UBE2D2: variants seen among roughly 807,000 people sequenced by gnomAD.
UBE2D2 encodes the protein ubiquitin conjugating enzyme E2 D2.
A neutral mutation model predicts 24.2 loss-of-function variants in UBE2D2; 2 were observed. That is an observed-to-expected ratio of 0.08 (90% CI 0.03 to 0.26). The LOEUF is 0.26. Among genes scored for constraint, UBE2D2 ranks in the 10% least tolerant of loss-of-function variants. The probability of loss-of-function intolerance (pLI) is 1.00; values close to 1 mark genes in which losing one functional copy is unlikely to be tolerated. For missense variants in UBE2D2, 44 were observed against 177.6 expected (o/e 0.25, Z 4.28); for synonymous variants, 58 against 56.5 (o/e 1.03, Z -0.12).
At chr5:139,612,134 C>T in intron 2 of UBE2D2, 1 of 183,338 alleles carries the variant, frequency 5.5e-6, no homozygotes, top group Admixed American at 5.2e-5. Context: ...TTGCCTCCTG[C>T]AAAGTAACAA....
At chr5:139,606,044 T>G (rs1173757319) in intron 2 of UBE2D2, among the ~76,000 whole-genome samples, 1 of 152,132 alleles carries the variant, frequency 6.6e-6, no homozygotes, top group South Asian at 2.1e-4. Flanking sequence ...CACCCAGCTT[T>G]CTTTTCTTTT....
At chr5:139,567,635 G>A (rs1217556118) in intron 1 of UBE2D2, among the ~76,000 whole-genome samples, 2 of 147,572 alleles carry the variant, frequency 1.4e-5, no homozygotes, top group Admixed American at 7.0e-5. Flanking sequence ...CTGGGTTCAC[G>A]CCATTCTCCT....
chr5:139,613,916 G>A lies in UBE2D2; in HGVS notation c.89-670G>A, dbSNP rs150298814. Among the ~76,000 whole-genome samples, 343 of 152,256 alleles carry A rather than the reference G, an allele frequency of 2.3e-3. 2 individuals are homozygous for A. The highest frequency in any genetic ancestry group is 7.7e-3 in the African/African-American group (320 of 41,560). ...GTCTCTACTAAAAATACAAAAATTAGCCAGGTGTGGTGGCACTTGCCTGTA... is the reference window on the plus strand; with the variant it reads ...GTCTCTACTAAAAATACAAAAATTAACCAGGTGTGGTGGCACTTGCCTGTA... On this transcript the variant is annotated intron_variant, in intron 2 of 6. Transcript: ENST00000398733.
chr5:139,583,010 T>C (rs1247807404), intron 1 of UBE2D2, among the ~76,000 whole-genome samples: 1 of 151,536 alleles, frequency 6.6e-6, no homozygotes, highest in Non-Finnish European at 1.5e-5. Context: ...CGTCTCGCTT[T>C]GTCGCCCGGG....
intron 1 of UBE2D2, chr5:139,562,216 C>T (rs1178510862): frequency 4.3e-6 from 6 of 1,379,332 alleles, no homozygotes; most frequent in Non-Finnish European, 5.8e-6. Flanking sequence ...CGCCCCATTT[C>T]TGTTCCCTCC....
upstream of UBE2D2, among the ~76,000 whole-genome samples, chr5:139,559,052 C>T (rs2126643651): frequency 6.6e-6 from 1 of 152,178 alleles, no homozygotes; most frequent in African/African-American, 2.4e-5. Context: ...CTTCCCGCCT[C>T]AGCTTCCCAA....
intron 1 of UBE2D2, among the ~76,000 whole-genome samples, chr5:139,541,070 G>A (rs1206800874): frequency 6.6e-6 from 1 of 152,060 alleles, no homozygotes; most frequent in Non-Finnish European, 1.5e-5. Context: ...GGCTAAGGCG[G>A]GTGGATTGTT....
intron 1 of UBE2D2, among the ~76,000 whole-genome samples, chr5:139,537,683 G>A (rs1752702983): frequency 6.6e-6 from 1 of 151,664 alleles, no homozygotes; most frequent in Admixed American, 6.6e-5. Flanking sequence ...GAAATTTTCT[G>A]GCCAGGCGTG....
At chr5:139,549,448 T>A (rs1197154439) in intron 1 of UBE2D2, among the ~76,000 whole-genome samples, 1 of 152,188 alleles carries the variant, frequency 6.6e-6, no homozygotes, top group Non-Finnish European at 1.5e-5. Context: ...AGCGGCCGGC[T>A]GGCGCCGTGG....
At chr5:139,624,765 AGC>A (rs1194507546) in intron 6 of UBE2D2, among the ~76,000 whole-genome samples, 1 of 152,264 alleles carries the variant, frequency 6.6e-6, no homozygotes, top group Non-Finnish European at 1.5e-5. Context: ...TGGGCGACAG[AGC>A]AAGACTCACG....
exon 1 of UBE2D2, chr5:139,526,482 T>C (rs1752539118): frequency 6.6e-6 from 1 of 152,288 alleles, no homozygotes; most frequent in Non-Finnish European, 1.5e-5. Context: ...CAAAGAGCGC[T>C]CCCGGGTAGG....
intron 1 of UBE2D2, among the ~76,000 whole-genome samples, chr5:139,576,484 T>G (rs759256000): frequency 1.3e-5 from 2 of 152,052 alleles, no homozygotes; most frequent in Non-Finnish European, 2.9e-5. Flanking sequence ...AACCCAAAGA[T>G]GATTTTTTTT....
At chr5:139,581,210 AG>A (rs1753595782) in intron 1 of UBE2D2, among the ~76,000 whole-genome samples, 1 of 152,162 alleles carries the variant, frequency 6.6e-6, no homozygotes, top group Non-Finnish European at 1.5e-5. Flanking sequence ...GCACTTTGGG[AG>A]GCCGAGGCGG....
intron 1 of UBE2D2, among the ~76,000 whole-genome samples, chr5:139,544,587 G>C (rs1561497583): frequency 6.6e-6 from 1 of 151,294 alleles, no homozygotes; most frequent in Non-Finnish European, 1.5e-5. Context: ...ACTGCGCCCT[G>C]CCAAGCTACT....
At chr5:139,615,321 A>G (rs954744353) in intron 5 of UBE2D2, among the ~76,000 whole-genome samples, 2 of 152,112 alleles carry the variant, frequency 1.3e-5, no homozygotes, top group Non-Finnish European at 2.9e-5. Context: ...CGTCTCTACT[A>G]AAAATACAAA....
At chr5:139,534,568 G>GAA (rs77999908) in intron 1 of UBE2D2, among the ~76,000 whole-genome samples, 14 of 114,126 alleles carry the variant, frequency 1.2e-4, no homozygotes, top group African/African-American at 1.6e-4. Flanking sequence ...ACTGTCTCAG[G>GAA]AAAAAAAAAA....
At chr5:139,561,875 C>T in intron 1 of UBE2D2, 60 bp downstream of exon 1, 2 of 1,442,650 alleles carry the variant, frequency 1.4e-6, no homozygotes, top group African/African-American at 1.5e-5. Context: ...GCCTGCACTT[C>T]CCGCCGTAGT....
chr5:139,625,151 G>A (rs1754588885), intron 6 of UBE2D2, among the ~76,000 whole-genome samples: 1 of 136,390 alleles, frequency 7.3e-6, no homozygotes, highest in Admixed American at 7.3e-5. Context: ...TCAAACTCAT[G>A]GGCTCAAGTG....
chr5:139,577,506 C>T (rs1020863938), intron 1 of UBE2D2, among the ~76,000 whole-genome samples: 15 of 150,828 alleles, frequency 9.9e-5, no homozygotes, highest in African/African-American at 2.0e-4. Context: ...CTCCGCCTCC[C>T]GGGTTCAAGC....
Sources: gnomAD v4.1 joint callset for allele counts (sites outside exome capture counted in the v4.1 genomes callset) on GRCh38, gnomAD v4.1.1 for gene constraint, MANE v1.5 for transcripts, NCBI Gene and HGNC (gene_info 2026-07-23, HGNC 2026-07-21) for gene names.